Variants in ZNF717 observed in about 807,000 individuals in gnomAD.
The protein encoded by ZNF717 is zinc finger protein 717.
In ZNF717, 9 loss-of-function variants were observed where a neutral mutation model predicts 13.8. The ratio of observed to expected loss-of-function variants is 0.65; its 90% CI spans 0.39 to 1.14. The LOEUF is 1.14. ZNF717 is among the 50% of genes most tolerant of loss of function. The probability of loss-of-function intolerance (pLI) is 0.01; values close to 1 mark genes in which losing one functional copy is unlikely to be tolerated. For missense variants in ZNF717, 1,040 were observed against 1,080.7 expected (o/e 0.96, Z 0.53); for synonymous variants, 327 against 364.1 (o/e 0.90, Z 1.16).
chr3:75,713,589 G>T (rs1441259251), intron 5 of ZNF717, among the ~76,000 whole-genome samples: 1 of 152,070 alleles, frequency 6.6e-6, no homozygotes, highest in Non-Finnish European at 1.5e-5. Context: ...AGTCATATGG[G>T]TATAAAAATC....
chr3:75,755,144 T>C (rs1942356269), intron 2 of ZNF717, among the ~76,000 whole-genome samples: 1 of 152,084 alleles, frequency 6.6e-6, no homozygotes, highest in Non-Finnish European at 1.5e-5. Flanking sequence ...CTCAGAAAAA[T>C]AAAAATTCAA....
At chr3:75,771,941 T>TTGA (rs1943922748) in intron 2 of ZNF717, among the ~76,000 whole-genome samples, 1 of 151,594 alleles carries the variant, frequency 6.6e-6, no homozygotes, top group Non-Finnish European at 1.5e-5. Context: ...CCAGGCACAG[T>TTGA]CGCAACCCGG....
At chr3:75,726,143 T>A (rs1294596053), downstream of ZNF717, among the ~76,000 whole-genome samples, 9 of 152,286 alleles carry the variant, frequency 5.9e-5, no homozygotes, top group Non-Finnish European at 1.3e-4. Context: ...AAAATAAGTT[T>A]TGACCGTGTG....
chr3:75,731,360 G>C (rs1219136775), downstream of ZNF717, among the ~76,000 whole-genome samples: 1 of 151,642 alleles, frequency 6.6e-6, no homozygotes, highest in Non-Finnish European at 1.5e-5. Flanking sequence ...CTGGATGACA[G>C]AGTGAGCTCT....
At chr3:75,702,488 ACAG>A (rs1559566264) in intron 6 of ZNF717, among the ~76,000 whole-genome samples, 1 of 116,194 alleles carries the variant, frequency 8.6e-6, no homozygotes, top group Admixed American at 8.4e-5. Flanking sequence ...CAGTGACGGA[ACAG>A]GGGGATAGTG....
chr3:75,709,402 C>A (rs9821405), downstream of ZNF717, among the ~76,000 whole-genome samples: 62,893 of 151,750 alleles, frequency 0.41, 13,440 homozygotes, highest in South Asian at 0.61. Flanking sequence ...CACCCATGAT[C>A]CAGTCATGTC....
chr3:75,737,789 T>G lies in ZNF717; in HGVS notation c.1834A>C (p.Thr612Pro). 1 of 1,551,522 alleles carries G rather than the reference T, an allele frequency of 6.4e-7. No homozygotes were observed. The highest frequency in any genetic ancestry group is 1.7e-4 in the Middle Eastern group (1 of 5,992). ...NKLNLGIHKR[T>P]HTGERPYECN... ...TCATAGGGTCTTTCCCCTGTGTGAG[T>G]TCTCTTGTGTATCCCAAGGTTTAAC... The change falls in exon 5 of 5, where the codon ACT becomes CCT. Residue 612 changes from threonine (T) to proline (P), a missense_variant. Thr to Pro is a conservative substitution (Grantham distance 38). This residue lies in a region of ZNF717 where 873 missense variants were observed against 832.8 expected (regional missense o/e 1.05). Coordinates refer to ENST00000652011, the MANE Select transcript of ZNF717 (RefSeq NM_001290208.3).
intron 2 of ZNF717, among the ~76,000 whole-genome samples, chr3:75,761,685 AAC>A (rs1480830728): frequency 1.0e-4 from 16 of 152,384 alleles, no homozygotes; most frequent in African/African-American, 3.6e-4. Context: ...AGGATACAGT[AAC>A]ACACACAAGT....
At chr3:75,735,601 C>T (rs1311795972), downstream of ZNF717, among the ~76,000 whole-genome samples, 2 of 94,926 alleles carry the variant, frequency 2.1e-5, no homozygotes, top group Admixed American at 1.1e-4. Context: ...GCCATGATCA[C>T]ACCACTGCAC....
intron 2 of ZNF717, among the ~76,000 whole-genome samples, chr3:75,768,082 C>T (rs1335391722): frequency 6.6e-6 from 1 of 152,172 alleles, no homozygotes; most frequent in Non-Finnish European, 1.5e-5. Context: ...TCTCAGGGAC[C>T]AGGACTGGGC....
At position 75,738,560 on chromosome 3, in the gene ZNF717, T is replaced by G. The variant is rs1359244275; in HGVS notation, c.1063A>C (p.Thr355Pro). The change falls in exon 5 of 5, where the codon ACT becomes CCT. Residue 355 changes from threonine (T) to proline (P), a missense_variant. Transcript: ENST00000652011. ...CCTGTGTGAGTTCTCTCATGTAAAG[T>G]GAGGAATGACTTACGGCGAAAGGTT... is the stretch of plus-strand genomic sequence containing the variant. The part of the protein sequence containing the change: ...GKTFRRKSFL[T>P]LHERTHTGDK... 1 of 1,541,756 alleles carries G rather than the reference T, an allele frequency of 6.5e-7. No individual in the cohort carries two copies. The highest frequency in any genetic ancestry group is 2.5e-5 in the East Asian group (1 of 40,610).
intron 6 of ZNF717, among the ~76,000 whole-genome samples, chr3:75,701,995 G>T (rs1575711399): frequency 6.6e-6 from 1 of 152,428 alleles, no homozygotes; most frequent in Non-Finnish European, 1.5e-5. Flanking sequence ...AAATGTTGGT[G>T]AGTATGTGGA....
intron 4 of ZNF717, among the ~76,000 whole-genome samples, chr3:75,722,839 C>A: frequency 7.8e-6 from 1 of 128,948 alleles, no homozygotes; most frequent in South Asian, 2.2e-4. Flanking sequence ...GTATTTTTGG[C>A]CAACTATTGT....
chr3:75,700,611 T>TA (rs1937674055), intron 6 of ZNF717, among the ~76,000 whole-genome samples: 1 of 152,286 alleles, frequency 6.6e-6, no homozygotes, highest in African/African-American at 2.4e-5. Context: ...TGGAATGAAA[T>TA]AGAGACCTTA....
At chr3:75,780,298 G>A (rs1302672732) in intron 2 of ZNF717, among the ~76,000 whole-genome samples, 2 of 152,266 alleles carry the variant, frequency 1.3e-5, no homozygotes, top group African/African-American at 4.8e-5. Context: ...CAAAACAATG[G>A]GAGTGATGTG....
At chr3:75,754,810 T>C (rs1404370435) in intron 2 of ZNF717, among the ~76,000 whole-genome samples, 5 of 152,138 alleles carry the variant, frequency 3.3e-5, no homozygotes, top group Admixed American at 2.6e-4. Context: ...CCAGTATTAA[T>C]GTCAGACACC....
intron 5 of ZNF717, chr3:75,711,432 C>T (rs1460398976): frequency 1.4e-5 from 2 of 140,426 alleles, no homozygotes; most frequent in Non-Finnish European, 3.1e-5. Flanking sequence ...TCTTGATTAA[C>T]AGTTTTATAA....
At chr3:75,733,870 A>T (rs1575740581), downstream of ZNF717, among the ~76,000 whole-genome samples, 1 of 38,070 alleles carries the variant, frequency 2.6e-5, no homozygotes, top group Non-Finnish European at 5.4e-5. Flanking sequence ...TGCTGAGAGG[A>T]AAAAAAAAAA....
Position 75,737,384 on chromosome 3 carries a change from C to T in ZNF717, c.2239G>A (p.Val747Ile). The T allele has an allele frequency of 6.4e-7, 1 of 1,552,946 alleles. No individual in the cohort carries two copies. The highest frequency in any genetic ancestry group is 1.2e-5 in the South Asian group (1 of 84,118). Residue 747 changes from valine to isoleucine, a missense_variant, in exon 5 of 5, where the codon GTA becomes ATA. Val to Ile is a conservative substitution (Grantham distance 29). Coordinates refer to ENST00000652011, the MANE Select transcript of ZNF717 (RefSeq NM_001290208.3). ...EKPCQKSVLTVHHRTHTGEKP... is the reference protein window; with the variant it reads ...EKPCQKSVLTIHHRTHTGEKP... ...TCTCCGGTATGGGTTCTATGATGTACAGTGAGGACTGACTTCTGACAAGGT... is the reference window on the plus strand; with the variant it reads ...TCTCCGGTATGGGTTCTATGATGTATAGTGAGGACTGACTTCTGACAAGGT...
Sources: allele counts gnomAD v4.1 joint callset (sites outside exome capture counted in the v4.1 genomes callset), GRCh38; gene constraint gnomAD v4.1.1; regional missense constraint gnomAD v4.1.1; transcripts MANE v1.5; gene names NCBI Gene and HGNC (gene_info 2026-07-23, HGNC 2026-07-21).